The following EGFR variants were observed in gnomAD, a reference collection of about 807,000 sequenced individuals.
EGFR encodes epidermal growth factor receptor.
In EGFR, 58 loss-of-function variants were observed where a neutral mutation model predicts 143.0. The observed-to-expected ratio is 0.41, with a 90% CI of 0.33 to 0.50. The LOEUF (loss-of-function observed/expected upper bound fraction) is 0.50, where lower values mean the gene tolerates loss of function less well. Ranked by LOEUF, EGFR falls within the 20% of genes least tolerant of loss-of-function variation. EGFR has a pLI of 0.39. For missense variants in EGFR, 1,307 were observed against 1,579.0 expected (o/e 0.83, Z 2.92); for synonymous variants, 613 against 594.4 (o/e 1.03, Z -0.45).
Position 55,019,320 on chromosome 7 carries a change from C to T in EGFR, c.43C>T (p.Leu15=). The T allele has an allele frequency of 6.6e-7, 1 of 1,522,530 alleles. No individual in the cohort carries two copies. The highest frequency in any genetic ancestry group is 1.9e-5 in the Admixed American group (1 of 52,594). The allele number at this position is 1,522,530 out of a possible 1,614,324, so 94.3% of individuals were successfully genotyped here. ...GTAGAALLAL[L]AALCPASRAL... is the part of the protein sequence containing the mutation. ...GGCCGGGGCAGCGCTCCTGGCGCTG[C>T]TGGCTGCGCTCTGCCCGGCGAGTCG... Residue 15 remains leucine, a synonymous_variant, in exon 1 of 28, where the codon CTG becomes TTG. Transcript: ENST00000275493.
rs781134348 is a variant in EGFR, at chr7:55,201,209, C to T, written c.2968C>T (p.Pro990Ser). The T allele has an allele frequency of 1.2e-6, 2 of 1,614,146 alleles. No homozygotes were observed. The highest frequency in any genetic ancestry group is 2.2e-5 in the East Asian group (1 of 44,870). Reference protein sequence around the residue: ...VIQGDERMHLPSPTDSNFYRA... With the variant: ...VIQGDERMHLSSPTDSNFYRA... ...CCAGGGGGATGAAAGAATGCATTTG[C>T]CAAGTCCTACAGACTCCAACTTCTA... is the stretch of plus-strand genomic sequence containing the variant. The change falls in exon 25 of 28, where the codon CCA becomes TCA. Residue 990 changes from proline (P) to serine (S), a missense_variant. Pro to Ser is a moderately conservative substitution (Grantham distance 74, BLOSUM62 -1). Transcript: ENST00000275493.
intron 1 of EGFR, among the ~76,000 whole-genome samples, chr7:55,119,593 G>A (rs972486425): frequency 6.6e-6 from 1 of 152,166 alleles, no homozygotes; most frequent in Non-Finnish European, 1.5e-5. Context: ...AACTGATCTA[G>A]GAAATGTTCA....
At chr7:55,140,111 GT>G (rs1416542841) in intron 1 of EGFR, among the ~76,000 whole-genome samples, 2 of 151,758 alleles carry the variant, frequency 1.3e-5, no homozygotes, top group African/African-American at 4.8e-5. Context: ...CACAAGTACA[GT>G]TTTTTTAAAA....
At position 55,193,845 on chromosome 7, in the gene EGFR, C is replaced by T. The variant is rs59236803; in HGVS notation, c.2701+1004C>T. Reference sequence around the variant, plus strand: ...TTTTTCCTATAGCATTATTAACTTTCTGATTTTCCAAATACATACACATTT... The same window carrying T: ...TTTTTCCTATAGCATTATTAACTTTTTGATTTTCCAAATACATACACATTT... On this transcript the variant is annotated intron_variant, in intron 22 of 27. Transcript: ENST00000275493. 9.4e-3 allele frequency among the ~76,000 whole-genome samples: 1,431 copies of T among 152,238 alleles called. 22 individuals carry two copies. Among genetic ancestry groups the T allele is most frequent in the African/African-American group, 0.032 (1,310 of 41,536 alleles).
At chr7:55,094,187 G>A (rs1791300397) in intron 1 of EGFR, among the ~76,000 whole-genome samples, 1 of 152,214 alleles carries the variant, frequency 6.6e-6, no homozygotes, top group South Asian at 2.1e-4. Flanking sequence ...ATCTGTGGAA[G>A]TGAGTTTCCA....
At chr7:55,141,553 G>A (rs1417477186) in intron 1 of EGFR, among the ~76,000 whole-genome samples, 1 of 152,202 alleles carries the variant, frequency 6.6e-6, no homozygotes, top group East Asian at 1.9e-4. Flanking sequence ...CTCACTAGCT[G>A]AGAGTGTTTT....
Position 55,205,444 on chromosome 7 carries a change from C to T in EGFR, c.3460C>T (p.Pro1154Ser), listed in dbSNP as rs2128975411. Reference protein sequence around the residue: ...PTCVNSTFDSPAHWAQKGSHQ... With the variant: ...PTCVNSTFDSSAHWAQKGSHQ... ...CTGTGTCAACAGCACATTCGACAGC[C>T]CTGCCCACTGGGCCCAGAAAGGCAG... Residue 1154 changes from proline (P) to serine (S), a missense_variant, in exon 28 of 28, where the codon CCT becomes TCT. Pro to Ser is a moderately conservative substitution (Grantham distance 74). Coordinates refer to ENST00000275493, the MANE Select transcript of EGFR (RefSeq NM_005228.5). 1 of 1,614,150 alleles carries T rather than the reference C, an allele frequency of 6.2e-7. No homozygotes were observed. Among genetic ancestry groups the T allele is most frequent in the South Asian group, 1.1e-5 (1 of 91,078 alleles).
intron 1 of EGFR, among the ~76,000 whole-genome samples, chr7:55,134,971 G>C (rs1303209497): frequency 6.6e-6 from 1 of 152,134 alleles, no homozygotes; most frequent in Non-Finnish European, 1.5e-5. Flanking sequence ...TAACTGGCTA[G>C]AGATCATCCC....
At chr7:55,201,557 T>C (rs1232108053) in intron 25 of EGFR, among the ~76,000 whole-genome samples, 178 bp from the exon 26 acceptor site, 3 of 152,330 alleles carry the variant, frequency 2.0e-5, no homozygotes, top group Non-Finnish European at 2.9e-5. Flanking sequence ...GCCTTTTAGG[T>C]CCACTATGGA....
chr7:55,155,780 G>A (rs773009422), intron 7 of EGFR, 50 bp from the exon 8 acceptor site: 8 of 1,518,914 alleles, frequency 5.3e-6, no homozygotes, highest in East Asian at 2.3e-5. Context: ...TGTGAGGCCC[G>A]AGCACCTGGT....
Position 55,211,495 on chromosome 7 carries a change from C to T in EGFR, c.*5878C>T, listed in dbSNP as rs1788234412. On this transcript the variant is annotated 3_prime_UTR_variant, in exon 28 of 28. Transcript: ENST00000275493. The stretch of plus-strand genomic sequence containing the variant: ...ATTTGTACAAATGAAAAGCAGAATT[C>T]TCTTTTATATGGTTTATACTGTTGA... 6.6e-6 allele frequency: 1 copy of T among 152,112 alleles called. No individual in the cohort carries two copies. Among genetic ancestry groups the T allele is most frequent in the African/African-American group, 2.4e-5 (1 of 41,408 alleles). 9.4% of individuals were successfully genotyped at this position (152,112 alleles called of 1,614,324 possible).
chr7:55,104,933 T>G (rs1792042987), intron 1 of EGFR, among the ~76,000 whole-genome samples: 1 of 152,150 alleles, frequency 6.6e-6, no homozygotes, highest in Non-Finnish European at 1.5e-5. Flanking sequence ...ACTACTCAAG[T>G]GAAAGAGAAA....
intron 1 of EGFR, among the ~76,000 whole-genome samples, chr7:55,051,924 GA>G: frequency 6.6e-6 from 1 of 152,314 alleles, no homozygotes; most frequent in Non-Finnish European, 1.5e-5. Flanking sequence ...TCATCTTGCA[GA>G]ATTATTAGTT....
At chr7:55,156,143 G>T (rs573018137) in intron 8 of EGFR, among the ~76,000 whole-genome samples, 197 bp downstream of exon 8, 1 of 152,234 alleles carries the variant, frequency 6.6e-6, no homozygotes, top group Non-Finnish European at 1.5e-5. Context: ...GGGGTGGGGG[G>T]CTCTGATGAG....
chr7:55,199,792 C>T lies in EGFR; in HGVS notation c.2849-524C>T, dbSNP rs1584268960. 3.9e-5 allele frequency among the ~76,000 whole-genome samples: 6 copies of T among 152,336 alleles called. 1 individual carries two copies. The highest frequency in any genetic ancestry group is 3.3e-4 in the Admixed American group (5 of 15,308). On this transcript the variant is annotated intron_variant, in intron 23 of 27. Transcript: ENST00000275493. ...CCAGCACAGCCAGCCCTCTCACTTGCATGCATGCCCACCAGCCTTCTCACT... is the reference window on the plus strand; with the variant it reads ...CCAGCACAGCCAGCCCTCTCACTTGTATGCATGCCCACCAGCCTTCTCACT...
intron 20 of EGFR, among the ~76,000 whole-genome samples, chr7:55,187,835 A>G (rs11521100): frequency 0.58 from 88,063 of 152,030 alleles, 26,197 homozygotes; most frequent in Middle Eastern, 0.69. Flanking sequence ...CCTCCCCACC[A>G]GCACCCCAAG....
At chr7:55,127,931 C>T (rs919416432) in intron 1 of EGFR, among the ~76,000 whole-genome samples, 5 of 152,218 alleles carry the variant, frequency 3.3e-5, no homozygotes, top group Non-Finnish European at 5.9e-5. Flanking sequence ...TAGGGCCTTG[C>T]GGGAGCCAGT....
At chr7:55,050,006 T>G (rs1459883065) in intron 1 of EGFR, among the ~76,000 whole-genome samples, 1 of 152,214 alleles carries the variant, frequency 6.6e-6, no homozygotes, top group African/African-American at 2.4e-5. Flanking sequence ...AGGCAACCTC[T>G]TCACTCTTCT....
At chr7:55,188,724 CA>C in intron 20 of EGFR, 1 of 152,236 alleles carries the variant, frequency 6.6e-6, no homozygotes, top group South Asian at 2.1e-4. Flanking sequence ...ATAACTGCGC[CA>C]GGCACAGAGT....
Sources: allele counts gnomAD v4.1 joint callset (sites outside exome capture counted in the v4.1 genomes callset), GRCh38; gene constraint gnomAD v4.1.1; transcripts MANE v1.5; gene names NCBI Gene and HGNC (gene_info 2026-07-23, HGNC 2026-07-21).